CTNNA3: variants seen among roughly 807,000 people sequenced by gnomAD.
CTNNA3 encodes catenin alpha-3.
A neutral mutation model predicts 95.7 loss-of-function variants in CTNNA3; 76 were observed. The ratio of observed to expected loss-of-function variants is 0.79; its 90% CI spans 0.66 to 0.96. The LOEUF is 0.96. Ranked by LOEUF, CTNNA3 falls within the 40% of genes least tolerant of loss-of-function variation. CTNNA3 has a pLI of 0.00. For missense variants in CTNNA3, 1,191 were observed against 1,089.8 expected (o/e 1.09, Z -1.31); for synonymous variants, 431 against 374.4 (o/e 1.15, Z -1.74).
intron 3 of CTNNA3, among the ~76,000 whole-genome samples, chr10:67,603,218 G>A (rs1253027369): frequency 6.6e-6 from 1 of 152,182 alleles, no homozygotes; most frequent in Non-Finnish European, 1.5e-5. Flanking sequence ...TGCTACATGA[G>A]CAAAAACTGG....
chr10:66,168,624 C>T (rs2085262249), intron 13 of CTNNA3, among the ~76,000 whole-genome samples: 3 of 152,182 alleles, frequency 2.0e-5, no homozygotes, highest in Admixed American at 6.5e-5. Context: ...GGTTGATCAG[C>T]TCATCTAAAC....
chr10:65,929,790 A>G (rs2077222872), intron 17 of CTNNA3, among the ~76,000 whole-genome samples: 1 of 152,012 alleles, frequency 6.6e-6, no homozygotes, highest in Admixed American at 6.6e-5. Flanking sequence ...GCTGGTCTCA[A>G]ATTCCTGACC....
At chr10:67,327,973 C>T (rs1363637640) in intron 5 of CTNNA3, among the ~76,000 whole-genome samples, 3 of 152,142 alleles carry the variant, frequency 2.0e-5, no homozygotes, top group African/African-American at 7.2e-5. Context: ...CCACCATTCT[C>T]TGCAGAGTGT....
At chr10:66,430,463 G>T (rs930741431) in intron 11 of CTNNA3, among the ~76,000 whole-genome samples, 3 of 152,144 alleles carry the variant, frequency 2.0e-5, no homozygotes, top group Non-Finnish European at 2.9e-5. Flanking sequence ...TAAGCCAAAA[G>T]AACAAAGCTG....
intron 13 of CTNNA3, among the ~76,000 whole-genome samples, chr10:66,270,017 A>T (rs1349405579): frequency 6.6e-6 from 1 of 152,204 alleles, no homozygotes; most frequent in Non-Finnish European, 1.5e-5. Flanking sequence ...ATCTTAAATA[A>T]GAGATCAAGC....
At chr10:66,143,794 C>T (rs1474373437) in intron 13 of CTNNA3, among the ~76,000 whole-genome samples, 4 of 152,150 alleles carry the variant, frequency 2.6e-5, no homozygotes, top group Non-Finnish European at 5.9e-5. Flanking sequence ...CCCTTTGCCA[C>T]ACAGACACTT....
intron 1 of CTNNA3, among the ~76,000 whole-genome samples, chr10:67,652,939 T>C (rs1839918886): frequency 6.6e-6 from 1 of 152,252 alleles, no homozygotes; most frequent in Non-Finnish European, 1.5e-5. Context: ...TCTGCCATTC[T>C]CTTTTATTTG....
intron 16 of CTNNA3, among the ~76,000 whole-genome samples, chr10:65,981,447 A>T (rs1236615535): frequency 6.6e-6 from 1 of 151,942 alleles, no homozygotes; most frequent in Non-Finnish European, 1.5e-5. Flanking sequence ...AATTCAATGC[A>T]ATTCCCATCA....
At chr10:67,461,516 T>C (rs1023469356) in intron 5 of CTNNA3, among the ~76,000 whole-genome samples, 1 of 152,168 alleles carries the variant, frequency 6.6e-6, no homozygotes, top group African/African-American at 2.4e-5. Context: ...GATTTATTTA[T>C]ATGACCACAC....
At chr10:67,028,999 A>G (rs1853563083) in intron 7 of CTNNA3, among the ~76,000 whole-genome samples, 1 of 152,162 alleles carries the variant, frequency 6.6e-6, no homozygotes, top group Non-Finnish European at 1.5e-5. Flanking sequence ...GCAACTCCCC[A>G]CTAAGTGTTT....
chr10:65,994,813 C>A (rs910297305), intron 15 of CTNNA3, among the ~76,000 whole-genome samples: 1 of 152,028 alleles, frequency 6.6e-6, no homozygotes, highest in Admixed American at 6.5e-5. Flanking sequence ...CTTTATGGAG[C>A]CCCATTTGTT....
At chr10:66,814,765 T>TTAAA (rs564857508) in intron 7 of CTNNA3, among the ~76,000 whole-genome samples, 340 of 151,774 alleles carry the variant, frequency 2.2e-3, no homozygotes, top group African/African-American at 7.5e-3. Context: ...CTATCTCAAA[T>TTAAA]TAAATAAATA....
At chr10:66,130,714 G>T (rs1000459483) in intron 13 of CTNNA3, among the ~76,000 whole-genome samples, 1 of 151,830 alleles carries the variant, frequency 6.6e-6, no homozygotes, top group African/African-American at 2.4e-5. Flanking sequence ...AAATGAGCCT[G>T]GCATGGTGGC....
chr10:67,387,339 C>A (rs1355457084), intron 5 of CTNNA3, among the ~76,000 whole-genome samples: 4 of 152,276 alleles, frequency 2.6e-5, no homozygotes, highest in East Asian at 3.9e-4. Flanking sequence ...CCGAATACTG[C>A]GCTTTTCCTA....
At chr10:66,994,166 G>A (rs148042248) in intron 7 of CTNNA3, among the ~76,000 whole-genome samples, 117 of 152,142 alleles carry the variant, frequency 7.7e-4, no homozygotes, top group Middle Eastern at 6.8e-3. Context: ...AAGGTCCCTC[G>A]TATAAAAACC....
chr10:66,705,904 C>T (rs570986258), intron 9 of CTNNA3, among the ~76,000 whole-genome samples: 1 of 152,146 alleles, frequency 6.6e-6, no homozygotes. Context: ...CCCTTCTAAT[C>T]CTAAGCAACA....
intron 3 of CTNNA3, among the ~76,000 whole-genome samples, chr10:67,598,039 C>A (rs1842977525): frequency 6.6e-6 from 1 of 152,144 alleles, no homozygotes; most frequent in Admixed American, 6.5e-5. Flanking sequence ...AGAGGCTGGG[C>A]AGACAGAGGA....
chr10:66,035,653 C>T (rs1165781591), intron 15 of CTNNA3, among the ~76,000 whole-genome samples: 1 of 151,012 alleles, frequency 6.6e-6, no homozygotes, highest in Non-Finnish European at 1.5e-5. Context: ...ACACAAATTT[C>T]TTTATCTGTT....
intron 7 of CTNNA3, among the ~76,000 whole-genome samples, chr10:66,777,762 T>TACACACACACACAC (rs372712619): frequency 1.5e-5 from 2 of 136,866 alleles, no homozygotes; most frequent in African/African-American, 5.6e-5. Flanking sequence ...AGAGACCTCC[T>TACACACACACACAC]ACACACACAC....
Sources: allele counts gnomAD v4.1 joint callset (sites outside exome capture counted in the v4.1 genomes callset), GRCh38; gene constraint gnomAD v4.1.1; transcripts MANE v1.5; gene names NCBI Gene and HGNC (gene_info 2026-07-23, HGNC 2026-07-21).